Variants in MGMT observed in about 807,000 individuals in gnomAD.
MGMT encodes the protein methylated-DNA--protein-cysteine methyltransferase.
In MGMT, 14 loss-of-function variants were observed where a neutral mutation model predicts 15.9. That is an observed-to-expected ratio of 0.88 (90% confidence interval 0.58 to 1.37). MGMT has a LOEUF of 1.37. Ranked by LOEUF, MGMT falls within the 40% of genes most tolerant of loss-of-function variation. The probability of loss-of-function intolerance (pLI) is 0.00; values close to 1 mark genes in which losing one functional copy is unlikely to be tolerated. For missense variants in MGMT, 282 were observed against 268.1 expected (o/e 1.05, Z -0.36); for synonymous variants, 130 against 118.2 (o/e 1.10, Z -0.65).
At chr10:129,646,754 A>ATATTTTTTTTTT in intron 2 of MGMT, among the ~76,000 whole-genome samples, 7 of 86,678 alleles carry the variant, frequency 8.1e-5, no homozygotes, top group African/African-American at 2.8e-4. Context: ...ATATATATAT[A>ATATTTTTTTTTT]TTTTCAGGGA....
At chr10:129,667,854 G>T (rs1847677549) in intron 2 of MGMT, among the ~76,000 whole-genome samples, 1 of 152,124 alleles carries the variant, frequency 6.6e-6, no homozygotes, top group African/African-American at 2.4e-5. Flanking sequence ...GACTAATGTG[G>T]TTGAATATGT....
intron 2 of MGMT, among the ~76,000 whole-genome samples, chr10:129,576,584 G>A (rs1846485643): frequency 6.6e-6 from 1 of 152,158 alleles, no homozygotes; most frequent in Non-Finnish European, 1.5e-5. Flanking sequence ...ATATCATACT[G>A]AATGGACAAA....
intron 3 of MGMT, among the ~76,000 whole-genome samples, chr10:129,743,174 A>G (rs1303026131): frequency 1.3e-5 from 2 of 152,086 alleles, no homozygotes; most frequent in African/African-American, 4.8e-5. Context: ...CTACCCAGCA[A>G]ACTGCTACCC....
intron 1 of MGMT, among the ~76,000 whole-genome samples, chr10:129,479,279 G>A (rs1437450369): frequency 6.6e-6 from 1 of 152,128 alleles, no homozygotes; most frequent in Admixed American, 6.5e-5. Context: ...AAACAATTCA[G>A]GCTGTTGGAA....
At chr10:129,617,510 T>G (rs1289700254) in intron 2 of MGMT, among the ~76,000 whole-genome samples, 1 of 152,146 alleles carries the variant, frequency 6.6e-6, no homozygotes, top group African/African-American at 2.4e-5. Context: ...ACCAAACTGC[T>G]TTCCACAGTG....
chr10:129,531,018 G>A (rs549925955), intron 1 of MGMT, among the ~76,000 whole-genome samples: 16 of 152,348 alleles, frequency 1.1e-4, no homozygotes, highest in African/African-American at 3.6e-4. Flanking sequence ...CTTGCCTGCT[G>A]GCTCTGGGCT....
At chr10:129,608,445 A>G (rs773194839) in intron 2 of MGMT, among the ~76,000 whole-genome samples, 5 of 152,270 alleles carry the variant, frequency 3.3e-5, no homozygotes, top group South Asian at 2.1e-4. Flanking sequence ...CTGTAAATCT[A>G]TAAGTAATCA....
At chr10:129,558,518 G>A (rs1846240853) in intron 2 of MGMT, among the ~76,000 whole-genome samples, 2 of 152,148 alleles carry the variant, frequency 1.3e-5, no homozygotes, top group South Asian at 4.1e-4. Flanking sequence ...TGGTGGCGGG[G>A]GCCAGTTTGC....
At chr10:129,729,351 C>T (rs1042202762) in intron 3 of MGMT, among the ~76,000 whole-genome samples, 1 of 152,304 alleles carries the variant, frequency 6.6e-6, no homozygotes, top group South Asian at 2.1e-4. Flanking sequence ...GCTAGCCTGG[C>T]CCCTCTGCCC....
At chr10:129,559,070 A>G (rs767317678) in intron 2 of MGMT, among the ~76,000 whole-genome samples, 5 of 152,180 alleles carry the variant, frequency 3.3e-5, no homozygotes, top group Non-Finnish European at 7.3e-5. Context: ...TGCATCGACC[A>G]GGATGCTGTT....
intron 2 of MGMT, among the ~76,000 whole-genome samples, chr10:129,678,299 G>A (rs1471956866): frequency 6.6e-6 from 1 of 152,070 alleles, no homozygotes; most frequent in African/African-American, 2.4e-5. Flanking sequence ...GTTCCTGCAG[G>A]TGCAGGAGCT....
intron 1 of MGMT, among the ~76,000 whole-genome samples, chr10:129,526,353 A>G (rs1845870520): frequency 6.6e-6 from 1 of 152,078 alleles, no homozygotes; most frequent in African/African-American, 2.4e-5. Flanking sequence ...GCTAGTTTTC[A>G]TCTTGTGATG....
intron 2 of MGMT, among the ~76,000 whole-genome samples, chr10:129,704,947 T>G (rs1848142887): frequency 6.6e-6 from 1 of 152,158 alleles, no homozygotes; most frequent in Non-Finnish European, 1.5e-5. Flanking sequence ...CTGCAGGACC[T>G]CAAAGCGAAG....
At chr10:129,531,430 T>C (rs1244531650) in intron 1 of MGMT, among the ~76,000 whole-genome samples, 1 of 152,048 alleles carries the variant, frequency 6.6e-6, no homozygotes, top group Non-Finnish European at 1.5e-5. Context: ...TCTCACTGCC[T>C]GATTTCTGCC....
chr10:129,751,103 T>A (rs931899925), intron 3 of MGMT, among the ~76,000 whole-genome samples: 2 of 151,984 alleles, frequency 1.3e-5, no homozygotes, highest in Non-Finnish European at 2.9e-5. Context: ...CTGGAAAAAA[T>A]TATGTCAAAT....
chr10:129,488,014 C>CACACACACACACATAGGTAT lies in MGMT; in HGVS notation c.-13+20731_-13+20732insTAGGTATACACACACACACA, dbSNP rs1845430471. On this transcript the variant is annotated intron_variant, in intron 1 of 4. Transcript: ENST00000651593. ...ACACACACATAGGTATACACACACA[C>CACACACACACACATAGGTAT]ACACACACACACACACACACACACA... Among the ~76,000 whole-genome samples, 3 of 126,168 alleles carry CACACACACACACATAGGTAT rather than the reference C, an allele frequency of 2.4e-5. No homozygotes were observed. In the South Asian group the frequency reaches 8.2e-4, roughly 34 times the overall value. The allele number at this position is 126,168 out of a possible 152,430, so 82.8% of individuals were successfully genotyped here.
At chr10:129,715,994 T>C (rs1848291282) in intron 3 of MGMT, among the ~76,000 whole-genome samples, 1 of 152,056 alleles carries the variant, frequency 6.6e-6, no homozygotes, top group Admixed American at 6.5e-5. Context: ...CGGCGGTCAG[T>C]GTAGCTTCTG....
chr10:129,688,748 C>T (rs967179094), intron 2 of MGMT, among the ~76,000 whole-genome samples: 4 of 152,212 alleles, frequency 2.6e-5, no homozygotes, highest in South Asian at 2.1e-4. Flanking sequence ...CCAAAATTGA[C>T]AAATGGTATC....
chr10:129,611,407 C>G (rs1388121146), intron 2 of MGMT, among the ~76,000 whole-genome samples: 1 of 152,150 alleles, frequency 6.6e-6, no homozygotes, highest in African/African-American at 2.4e-5. Flanking sequence ...CTCTTGAGAA[C>G]TCACTCACTA....
Sources: gnomAD v4.1 joint callset for allele counts (sites outside exome capture counted in the v4.1 genomes callset) on GRCh38, gnomAD v4.1.1 for gene constraint, MANE v1.5 for transcripts, NCBI Gene and HGNC (gene_info 2026-07-23, HGNC 2026-07-21) for gene names.